The following DPP10 variants were observed in gnomAD, a reference collection of about 807,000 sequenced individuals.
The protein encoded by DPP10 is inactive dipeptidyl peptidase 10.
DPP10 carries 33 observed loss-of-function variants against 120.9 expected under a neutral mutation model. The ratio of observed to expected loss-of-function variants is 0.27; its 90% CI spans 0.21 to 0.37. The LOEUF (loss-of-function observed/expected upper bound fraction) is 0.37. Ranked by LOEUF, DPP10 falls within the 10% of genes least tolerant of loss-of-function variation. The pLI is 1.00. For missense variants in DPP10, 816 were observed against 942.8 expected, an observed-to-expected ratio of 0.87 and a Z score of 1.76; for synonymous variants, 337 against 326.1, an observed-to-expected ratio of 1.03 and a Z score of -0.36.
rs571679695 is a variant in DPP10 at position 115,458,391 on chromosome 2, A to C, written c.272-41119A>C. On this transcript the variant is annotated intron_variant, in intron 3 of 25. Coordinates refer to ENST00000410059, the MANE Select transcript of DPP10 (RefSeq NM_020868.6). ...CATTTCTGTATTGAATTTACAGATA[A>C]TTGTTTAGACACTACTTTTGATCGA... is the stretch of plus-strand genomic sequence containing the variant. Among the ~76,000 whole-genome samples, 8 of 152,228 alleles carry C rather than the reference A, an allele frequency of 5.3e-5. No individual in the cohort carries two copies. The East Asian group carries it at 1.5e-3, about 29-fold the overall frequency.
At chr2:115,284,631 G>A (rs1217392257) in intron 1 of DPP10, among the ~76,000 whole-genome samples, 8 of 151,932 alleles carry the variant, frequency 5.3e-5, no homozygotes, top group Non-Finnish European at 1.2e-4. Flanking sequence ...TTAGGAGGTA[G>A]CTATGTTAGA....
In DPP10 at chr2:115,757,313, G is replaced by A. The variant is rs569818350; in HGVS notation, c.1074+4016G>A. On this transcript the variant is annotated intron_variant, in intron 11 of 25. Coordinates refer to ENST00000410059, the MANE Select transcript of DPP10 (RefSeq NM_020868.6). The stretch of plus-strand genomic sequence containing the variant: ...TTCATGCTGCTGATAAAGACATACC[G>A]AGACTGGGCAATTTCCAAAAAAAAA... Among the ~76,000 whole-genome samples the A allele has an allele frequency of 9.9e-5, 15 of 151,960 alleles. No homozygotes were observed. The South Asian group carries it at 2.5e-3, about 25-fold the overall frequency.
intron 1 of DPP10, among the ~76,000 whole-genome samples, chr2:114,812,917 G>A (rs190006735): frequency 3.2e-4 from 49 of 152,236 alleles, no homozygotes; most frequent in Middle Eastern, 6.8e-3. Context: ...AATGCCCAAG[G>A]ATAGAACACC....
intron 5 of DPP10, among the ~76,000 whole-genome samples, chr2:115,653,108 GATC>G (rs1312247045): frequency 1.3e-5 from 2 of 151,942 alleles, no homozygotes; most frequent in South Asian, 2.1e-4. Flanking sequence ...GAATAATTGA[GATC>G]ATCAGTTAAT....
At chr2:114,755,637 G>A (rs1679656585) in intron 1 of DPP10, among the ~76,000 whole-genome samples, 1 of 152,134 alleles carries the variant, frequency 6.6e-6, no homozygotes, top group African/African-American at 2.4e-5. Flanking sequence ...GTTCTACTGT[G>A]ATAGAATCTG....
At chr2:114,628,735 A>C (rs1287825442) in intron 1 of DPP10, among the ~76,000 whole-genome samples, 1 of 152,114 alleles carries the variant, frequency 6.6e-6, no homozygotes, top group East Asian at 1.9e-4. Flanking sequence ...TAGATTAGTA[A>C]CAATGCTCAG....
At chr2:114,814,389 T>A (rs1685445252) in intron 1 of DPP10, among the ~76,000 whole-genome samples, 1 of 151,958 alleles carries the variant, frequency 6.6e-6, no homozygotes, top group South Asian at 2.1e-4. Flanking sequence ...TCTTTCTGGA[T>A]CTTAGGCTTT....
At chr2:115,421,227 G>A (rs1269563702) in intron 3 of DPP10, among the ~76,000 whole-genome samples, 1 of 151,998 alleles carries the variant, frequency 6.6e-6, no homozygotes, top group African/African-American at 2.4e-5. Context: ...CACATGGTAT[G>A]TCTAGGTCCA....
At chr2:115,474,611 G>A (rs2074951349) in intron 3 of DPP10, among the ~76,000 whole-genome samples, 1 of 151,916 alleles carries the variant, frequency 6.6e-6, no homozygotes. Flanking sequence ...TGGCCAGGCT[G>A]CTTCTAAAAG....
intron 3 of DPP10, among the ~76,000 whole-genome samples, chr2:115,399,666 C>G (rs908603801): frequency 3.0e-4 from 46 of 151,742 alleles, no homozygotes; most frequent in Non-Finnish European, 1.5e-4. Flanking sequence ...GCTTAAAGTC[C>G]CATTTAGCTA....
intron 1 of DPP10, among the ~76,000 whole-genome samples, chr2:114,664,495 G>T (rs1390865900): frequency 2.6e-5 from 4 of 151,876 alleles, no homozygotes; most frequent in Non-Finnish European, 5.9e-5. Flanking sequence ...CGGGTGTGGT[G>T]GTGCGCACCT....
chr2:115,736,282 G>T, intron 8 of DPP10, among the ~76,000 whole-genome samples: 1 of 152,152 alleles, frequency 6.6e-6, no homozygotes, highest in East Asian at 1.9e-4. Context: ...TATACAGGTG[G>T]GGCACACTGC....
At chr2:114,687,464 T>C (rs185971712) in intron 1 of DPP10, among the ~76,000 whole-genome samples, 1 of 151,754 alleles carries the variant, frequency 6.6e-6, no homozygotes, top group East Asian at 2.0e-4. Context: ...GTAGATCTGG[T>C]TTGTTTAAAA....
At chr2:114,748,742 T>C (rs1230806563) in intron 1 of DPP10, among the ~76,000 whole-genome samples, 1 of 28,890 alleles carries the variant, frequency 3.5e-5, no homozygotes, top group Non-Finnish European at 6.2e-5. Context: ...CTCATCATTT[T>C]TTATGGCTGC....
At chr2:115,745,176 A>G (rs1231710667) in intron 9 of DPP10, among the ~76,000 whole-genome samples, 1 of 150,532 alleles carries the variant, frequency 6.6e-6, no homozygotes, top group Non-Finnish European at 1.5e-5. Flanking sequence ...CAATATTCGC[A>G]TTGTAGTTAA....
intron 3 of DPP10, among the ~76,000 whole-genome samples, chr2:115,361,192 G>A (rs941440397): frequency 6.6e-6 from 1 of 152,008 alleles, no homozygotes; most frequent in African/African-American, 2.4e-5. Flanking sequence ...CCACACCTCA[G>A]TCTTCTCTGT....
chr2:115,086,445 T>G (rs1708702742), intron 1 of DPP10, among the ~76,000 whole-genome samples: 1 of 138,956 alleles, frequency 7.2e-6, no homozygotes, highest in African/African-American at 2.6e-5. Context: ...ACCAAATCAA[T>G]GTATTTCTTT....
chr2:115,521,111 A>G (rs1196511550), intron 4 of DPP10, among the ~76,000 whole-genome samples: 1 of 152,200 alleles, frequency 6.6e-6, no homozygotes, highest in Non-Finnish European at 1.5e-5. Flanking sequence ...GAGTAAGGAA[A>G]AGGGAAAGGT....
chr2:114,812,852 G>C (rs1040817836), intron 1 of DPP10, among the ~76,000 whole-genome samples: 1 of 152,140 alleles, frequency 6.6e-6, no homozygotes, highest in African/African-American at 2.4e-5. Flanking sequence ...ACATGGTTTT[G>C]GGGTTACATA....
Sources: gnomAD v4.1 joint callset for allele counts (sites outside exome capture counted in the v4.1 genomes callset) on GRCh38, gnomAD v4.1.1 for gene constraint, MANE v1.5 for transcripts, NCBI Gene and HGNC (gene_info 2026-07-23, HGNC 2026-07-21) for gene names.